AACS: variants seen among roughly 807,000 people sequenced by gnomAD.
AACS encodes the protein acetoacetyl-CoA synthetase.
A neutral mutation model predicts 83.1 loss-of-function variants in AACS; 69 were observed. The observed-to-expected ratio is 0.83, with a 90% CI of 0.68 to 1.01. The LOEUF is 1.01. Ranked by LOEUF, AACS falls within the 50% of genes least tolerant of loss-of-function variation. The pLI is 0.00. For missense variants in AACS, 866 were observed against 882.2 expected, an observed-to-expected ratio of 0.98 and a Z score of 0.23; for synonymous variants, 333 against 343.4, an observed-to-expected ratio of 0.97 and a Z score of 0.33.
At chr12:125,119,551 A>C (rs1010283037) in intron 10 of AACS, among the ~76,000 whole-genome samples, 3 of 152,248 alleles carry the variant, frequency 2.0e-5, no homozygotes, top group Non-Finnish European at 2.9e-5. Flanking sequence ...GGCATGTCTT[A>C]CATGGCAACA....
At chr12:125,087,993 A>G (rs1565930829) in intron 4 of AACS, among the ~76,000 whole-genome samples, 2 of 152,092 alleles carry the variant, frequency 1.3e-5, no homozygotes. Context: ...TTAGCCTTCG[A>G]AAAATGCATC....
chr12:125,066,460 T>TG (rs1490204347), intron 1 of AACS, among the ~76,000 whole-genome samples: 1 of 147,908 alleles, frequency 6.8e-6, no homozygotes, highest in East Asian at 2.0e-4. Context: ...ATTTTTTTTT[T>TG]TTTTTTTTGA....
intron 7 of AACS, among the ~76,000 whole-genome samples, chr12:125,106,017 C>T (rs1320852193): frequency 1.3e-5 from 2 of 152,102 alleles, no homozygotes; most frequent in Non-Finnish European, 2.9e-5. Flanking sequence ...ATTTTGGATG[C>T]CCTTTTTAAA....
chr12:125,134,556 C>T (rs902702518), intron 15 of AACS, among the ~76,000 whole-genome samples: 12 of 152,158 alleles, frequency 7.9e-5, no homozygotes, highest in South Asian at 2.1e-4. Flanking sequence ...ATGGGGGACA[C>T]GTGTGCAGGT....
Position 125,098,617 on chromosome 12 carries a change from A to G in AACS, c.571-4062A>G, listed in dbSNP as rs186522858. On this transcript the variant is annotated intron_variant, in intron 5 of 17. Coordinates refer to ENST00000316519, the MANE Select transcript of AACS (RefSeq NM_023928.5). ...CAGGCGTGCGCCACCACGCCTGGCC[A>G]ATTTTTGTATTTTTAGTAGAGATGG... 6.9e-3 allele frequency among the ~76,000 whole-genome samples: 1,052 copies of G among 152,010 alleles called. 13 individuals are homozygous for G. The highest frequency in any genetic ancestry group is 0.024 in the African/African-American group (1,000 of 41,438).
rs1424202835 is a variant in AACS at position 125,091,586 on chromosome 12, G to A, written c.570+63G>A. 3 of 1,541,342 alleles carry A rather than the reference G, an allele frequency of 1.9e-6. No homozygotes were observed. In the Admixed American group the frequency reaches 5.1e-5, roughly 26 times the overall value. On this transcript the variant is annotated intron_variant, in intron 5 of 17. Transcript: ENST00000316519. The stretch of plus-strand genomic sequence containing the variant: ...CCTGTGAGCATCCTGGGCAGGGGCT[G>A]CATGGGCTGAATTCCCAGGGGAGCC...
At chr12:125,079,680 C>T (rs1038481038) in intron 3 of AACS, among the ~76,000 whole-genome samples, 5 of 152,264 alleles carry the variant, frequency 3.3e-5, no homozygotes, top group Non-Finnish European at 5.9e-5. Context: ...TGAGCCACTG[C>T]GTCCAGCCAG....
At chr12:125,141,057 T>C (rs10773145) in intron 17 of AACS, 70,607 of 152,190 alleles carry the variant, frequency 0.46, 16,819 homozygotes, top group East Asian at 0.64. Flanking sequence ...CACAGCCTTA[T>C]AGCCTAGGTG....
At chr12:125,124,474 A>C (rs1179568102) in intron 10 of AACS, 2 of 564,386 alleles carry the variant, frequency 3.5e-6, no homozygotes, top group Non-Finnish European at 6.3e-6. Flanking sequence ...CTCGTGGTAA[A>C]GGGAGCTGGC....
At chr12:125,124,435 T>C (rs1351434959) in intron 10 of AACS, 1 of 502,920 alleles carries the variant, frequency 2.0e-6, no homozygotes, top group Non-Finnish European at 3.5e-6. Context: ...AGATAATGGG[T>C]TCGGGTGAGC....
At chr12:125,078,202 T>G in intron 3 of AACS, 1 of 456,270 alleles carries the variant, frequency 2.2e-6, no homozygotes, top group Non-Finnish European at 4.4e-6. Context: ...GCAGCCCCTG[T>G]GCAGTTGGTA....
chr12:125,084,457 G>A (rs1235751730), intron 3 of AACS, among the ~76,000 whole-genome samples: 1 of 151,728 alleles, frequency 6.6e-6, no homozygotes, highest in Non-Finnish European at 1.5e-5. Context: ...AGGCTGGAGT[G>A]CAGTGGTACG....
intron 17 of AACS, 79 bp from the exon 18 acceptor site, chr12:125,142,013 G>A (rs1957503950): frequency 1.3e-6 from 2 of 1,564,068 alleles, no homozygotes; most frequent in Non-Finnish European, 1.7e-6. Context: ...TGGGCCTTTG[G>A]GGCCTGGATA....
At position 125,142,235 on chromosome 12, in the gene AACS, A is replaced by G; in HGVS notation, c.*6A>G. ...CTGAGCTGCAGGGCTTCTGAGTCAG[A>G]CTGGCTGGCGTGTCACTCAGCCGCA... On this transcript the variant is annotated 3_prime_UTR_variant, in exon 18 of 18. Transcript: ENST00000316519. 2 of 1,613,400 alleles carry G rather than the reference A, an allele frequency of 1.2e-6. No individual in the cohort carries two copies. The highest frequency in any genetic ancestry group is 1.7e-6 in the Non-Finnish European group (2 of 1,179,516).
intron 3 of AACS, among the ~76,000 whole-genome samples, chr12:125,084,030 T>C (rs1343437606): frequency 6.6e-6 from 1 of 152,166 alleles, no homozygotes; most frequent in Non-Finnish European, 1.5e-5. Context: ...ATGCCAATCT[T>C]AGAAGGTCAC....
chr12:125,090,139 A>ATTCAT lies in AACS; in HGVS notation c.473-1287_473-1286insTTCAT, dbSNP rs1565931954. On this transcript the variant is annotated intron_variant, in intron 4 of 17. Coordinates refer to ENST00000316519, the MANE Select transcript of AACS (RefSeq NM_023928.5). The stretch of plus-strand genomic sequence containing the variant: ...ATCCATCTTCCATTTATCATCCATC[A>ATTCAT]CCATCATCCATCCATCTATCCATCC... 2.5e-5 allele frequency among the ~76,000 whole-genome samples: 3 copies of ATTCAT among 121,294 alleles called. 1 individual carries two copies. The highest frequency in any genetic ancestry group is 1.6e-4 in the Admixed American group (2 of 12,446). The allele number at this position is 121,294 out of a possible 152,430, so 79.6% of individuals were successfully genotyped here.
rs182957657 is a variant in AACS at position 125,094,047 on chromosome 12, C to T, written c.570+2524C>T. 6.6e-6 allele frequency among the ~76,000 whole-genome samples: 1 copy of T among 151,972 alleles called. No individual in the cohort carries two copies. Among genetic ancestry groups the T allele is most frequent in the African/African-American group, 2.4e-5 (1 of 41,390 alleles). On this transcript the variant is annotated intron_variant, in intron 5 of 17. Transcript: ENST00000316519. The surrounding 1 kb of genome is among the most constrained non-coding windows in gnomAD (Gnocchi z 4.1). ...CTGGCACAGGTCGACTGCGCGAAAG[C>T]CTCTGCTCACCCTCTATTTACCATC...
Position 125,129,483 on chromosome 12 carries a change from G to T in AACS, c.1549+23G>T. 2 of 1,609,212 alleles carry T rather than the reference G, an allele frequency of 1.2e-6. No homozygotes were observed. The highest frequency in any genetic ancestry group is 1.7e-6 in the Non-Finnish European group (2 of 1,177,542). Reference sequence around the variant, plus strand: ...CAGGTCGGTTGGAGAGATGCAGACAGAGCTGGCCAGCCTCTGCCTTGGCTG... The same window carrying T: ...CAGGTCGGTTGGAGAGATGCAGACATAGCTGGCCAGCCTCTGCCTTGGCTG... On this transcript the variant is annotated intron_variant, in intron 14 of 17. Coordinates refer to ENST00000316519, the MANE Select transcript of AACS (RefSeq NM_023928.5). This position sits in a 1 kb window ranked among gnomAD's most constrained non-coding sequence, Gnocchi z 4.3.
chr12:125,123,473 G>A (rs1411466778), intron 10 of AACS: 1 of 152,268 alleles, frequency 6.6e-6, no homozygotes, highest in Non-Finnish European at 1.5e-5. Context: ...CTTTGTTGGT[G>A]GCAGGGTGTG....
Sources: allele counts gnomAD v4.1 joint callset (sites outside exome capture counted in the v4.1 genomes callset), GRCh38; gene constraint gnomAD v4.1.1; non-coding constraint Gnocchi (gnomAD v3.1); transcripts MANE v1.5; gene names NCBI Gene and HGNC (gene_info 2026-07-23, HGNC 2026-07-21).